The following GRIN2B variants were observed in gnomAD, a reference collection of about 807,000 sequenced individuals.
GRIN2B encodes glutamate ionotropic receptor NMDA type subunit 2B.
A neutral mutation model predicts 114.5 loss-of-function variants in GRIN2B; 5 were observed. That is an observed-to-expected ratio of 0.04 (90% CI 0.02 to 0.09). The LOEUF is 0.09. Among genes scored for constraint, GRIN2B ranks in the 10% least tolerant of loss-of-function variants. The pLI is 1.00. For missense variants in GRIN2B, 1,108 were observed against 1,943.5 expected, an observed-to-expected ratio of 0.57 and a Z score of 8.08; for synonymous variants, 787 against 745.1, an observed-to-expected ratio of 1.06 and a Z score of -0.92.
intron 4 of GRIN2B, among the ~76,000 whole-genome samples, chr12:13,689,423 C>T (rs777623826): frequency 6.6e-6 from 1 of 152,132 alleles, no homozygotes; most frequent in Non-Finnish European, 1.5e-5. Context: ...CTGTCTCCAA[C>T]ATTTTTCTTT....
intron 3 of GRIN2B, among the ~76,000 whole-genome samples, chr12:13,856,782 C>A (rs1865668163): frequency 6.6e-6 from 1 of 152,172 alleles, no homozygotes; most frequent in Admixed American, 6.5e-5. Flanking sequence ...ACTGTTCACT[C>A]TGAGCCATCT....
At chr12:13,925,527 A>G (rs1282274564) in intron 2 of GRIN2B, among the ~76,000 whole-genome samples, 12 of 152,294 alleles carry the variant, frequency 7.9e-5, no homozygotes, top group African/African-American at 2.9e-4. Context: ...AGCAGGTCAG[A>G]CCAGCACTTC....
At position 13,551,650 on chromosome 12, in the gene GRIN2B, A is replaced by C. The variant is rs1034670041; in HGVS notation, c.*11133T>G. On this transcript the variant is annotated 3_prime_UTR_variant, in exon 14 of 14. Transcript: ENST00000609686. ...ATAGGAAATTTGGATCTATTTGTTA[A>C]GATTGTGTGTGTGCATTAGGGAGGT... 6.6e-6 allele frequency: 1 copy of C among 152,188 alleles called. No individual in the cohort carries two copies. The highest frequency in any genetic ancestry group is 1.5e-5 in the Non-Finnish European group (1 of 68,022). 9.4% of individuals were successfully genotyped at this position (152,188 alleles called of 1,614,324 possible).
At chr12:13,648,760 G>T (rs550748872) in intron 5 of GRIN2B, among the ~76,000 whole-genome samples, 18 of 152,074 alleles carry the variant, frequency 1.2e-4, no homozygotes, top group African/African-American at 4.1e-4. Flanking sequence ...ACAAATCTCT[G>T]CCCTGGAGGA....
chr12:13,876,886 T>C (rs774857419), intron 2 of GRIN2B, among the ~76,000 whole-genome samples: 1 of 152,210 alleles, frequency 6.6e-6, no homozygotes, highest in Non-Finnish European at 1.5e-5. Context: ...CATTTGTTAA[T>C]GACATTAATG....
chr12:13,678,005 T>A (rs1409985299), intron 4 of GRIN2B, among the ~76,000 whole-genome samples: 10 of 152,156 alleles, frequency 6.6e-5, no homozygotes, highest in Admixed American at 6.6e-4. Context: ...CAGCAATAAC[T>A]TATGCATACC....
At chr12:13,748,305 C>T (rs1050507146) in intron 4 of GRIN2B, among the ~76,000 whole-genome samples, 8 of 152,164 alleles carry the variant, frequency 5.3e-5, no homozygotes, top group African/African-American at 1.2e-4. Flanking sequence ...AGAGAAGCAG[C>T]GGGCTCTCAG....
chr12:13,611,702 G>T, intron 9 of GRIN2B, 23 bp downstream of exon 9: 2 of 1,611,854 alleles, frequency 1.2e-6, no homozygotes, highest in Non-Finnish European at 1.7e-6. Flanking sequence ...CTGGGGAAGT[G>T]CAGCGGTTCC....
At chr12:13,812,827 C>T (rs567010132) in intron 3 of GRIN2B, among the ~76,000 whole-genome samples, 3 of 151,646 alleles carry the variant, frequency 2.0e-5, no homozygotes, top group South Asian at 2.1e-4. Flanking sequence ...TTGTCCTTAA[C>T]GTGACAACTG....
chr12:13,732,646 C>T lies in GRIN2B; in HGVS notation c.1010+20671G>A, dbSNP rs770469415. Among the ~76,000 whole-genome samples, 5 of 152,186 alleles carry T rather than the reference C, an allele frequency of 3.3e-5. No individual in the cohort carries two copies. The South Asian group carries it at 1.0e-3, about 32-fold the overall frequency. On this transcript the variant is annotated intron_variant, in intron 4 of 13. Coordinates refer to ENST00000609686, the MANE Select transcript of GRIN2B (RefSeq NM_000834.5). ...ATTTTTGTGTATGGGGACTTCACTT[C>T]TTGACTAAACTCAACTTCTTAAGTG...
In GRIN2B at chr12:13,561,349, C is replaced by G. The variant is rs981093710; in HGVS notation, c.*1434G>C. The G allele has an allele frequency of 6.6e-6, 1 of 152,256 alleles. No individual in the cohort carries two copies. The highest frequency in any genetic ancestry group is 2.4e-5 in the African/African-American group (1 of 41,376). The allele number at this position is 152,256 out of a possible 1,614,324, so 9.4% of individuals were successfully genotyped here. On this transcript the variant is annotated 3_prime_UTR_variant, in exon 14 of 14. Coordinates refer to ENST00000609686, the MANE Select transcript of GRIN2B (RefSeq NM_000834.5). ...GTGGTGGAGGGTCCCTCTCTGCCCC[C>G]GTCTCCCATTTCCAAGTCTCTTCCC...
At chr12:13,827,229 C>CTT (rs57007962) in intron 3 of GRIN2B, among the ~76,000 whole-genome samples, 8,998 of 98,574 alleles carry the variant, frequency 0.091, 571 homozygotes, top group African/African-American at 0.14. Flanking sequence ...TTGTTGTTTT[C>CTT]TTTTTTTTTT....
At chr12:13,906,962 A>C (rs1866546526) in intron 2 of GRIN2B, among the ~76,000 whole-genome samples, 1 of 152,256 alleles carries the variant, frequency 6.6e-6, no homozygotes, top group Non-Finnish European at 1.5e-5. Flanking sequence ...TTACTTAGCC[A>C]TTAGTTAAAA....
chr12:13,564,679 G>C lies in GRIN2B; in HGVS notation c.2599-40C>G, dbSNP rs1232637147. On this transcript the variant is annotated intron_variant, in intron 13 of 13. Coordinates refer to ENST00000609686, the MANE Select transcript of GRIN2B (RefSeq NM_000834.5). This position sits in a 1 kb window ranked among gnomAD's most constrained non-coding sequence, Gnocchi z 4.8. ...GAGGGACAGGTTAGATCTCCAGAGA[G>C]GCTAGAAATGACCACAAAAAACACT... The C allele has an allele frequency of 6.3e-7, 1 of 1,579,886 alleles. No individual in the cohort carries two copies. Among genetic ancestry groups the C allele is most frequent in the Admixed American group, 1.7e-5 (1 of 59,982 alleles).
At chr12:13,782,956 G>A (rs1269035917) in intron 3 of GRIN2B, among the ~76,000 whole-genome samples, 1 of 152,156 alleles carries the variant, frequency 6.6e-6, no homozygotes, top group Non-Finnish European at 1.5e-5. Context: ...GTAAACACCT[G>A]GAGCTCTTCC....
chr12:13,850,712 G>A (rs1453623763), intron 3 of GRIN2B, among the ~76,000 whole-genome samples: 1 of 152,122 alleles, frequency 6.6e-6, no homozygotes, highest in Non-Finnish European at 1.5e-5. Flanking sequence ...GCAATAGCTG[G>A]GATATCCTAT....
chr12:13,651,025 G>C (rs1949807269), intron 5 of GRIN2B, among the ~76,000 whole-genome samples: 1 of 152,068 alleles, frequency 6.6e-6, no homozygotes, highest in African/African-American at 2.4e-5. Context: ...CTTACTCTCT[G>C]CTCTTCTACC....
At chr12:13,882,996 G>A (rs1008030313) in intron 2 of GRIN2B, among the ~76,000 whole-genome samples, 3 of 152,104 alleles carry the variant, frequency 2.0e-5, no homozygotes, top group African/African-American at 7.2e-5. Flanking sequence ...CCTGTAAATG[G>A]AATAATACTG....
chr12:13,834,601 A>G (rs916511127), intron 3 of GRIN2B, among the ~76,000 whole-genome samples: 2 of 152,102 alleles, frequency 1.3e-5, no homozygotes, highest in Non-Finnish European at 2.9e-5. Flanking sequence ...TGTCTTGTTT[A>G]CCTGGCTAAT....
Sources: allele counts gnomAD v4.1 joint callset (sites outside exome capture counted in the v4.1 genomes callset), GRCh38; gene constraint gnomAD v4.1.1; non-coding constraint Gnocchi (gnomAD v3.1); transcripts MANE v1.5; gene names NCBI Gene and HGNC (gene_info 2026-07-23, HGNC 2026-07-21).